The following ANKS1B variants were observed in gnomAD, a reference collection of about 807,000 sequenced individuals.
ANKS1B encodes ankyrin repeat and sterile alpha motif domain containing 1B.
ANKS1B carries 36 observed loss-of-function variants against 148.3 expected under a neutral mutation model. The observed-to-expected ratio is 0.24, with a 90% CI of 0.19 to 0.32. The LOEUF (loss-of-function observed/expected upper bound fraction) is 0.32, where lower values mean the gene tolerates loss of function less well. Among genes scored for constraint, ANKS1B ranks in the 10% least tolerant of loss-of-function variants. The pLI is 1.00. For missense variants in ANKS1B, 1,157 were observed against 1,542.6 expected (o/e 0.75, Z 4.19); for synonymous variants, 542 against 560.8 (o/e 0.97, Z 0.47).
At chr12:98,743,472 T>C (rs1358933057), downstream of ANKS1B, among the ~76,000 whole-genome samples, 1 of 152,208 alleles carries the variant, frequency 6.6e-6, no homozygotes, top group East Asian at 1.9e-4. Flanking sequence ...AAGTTATCAA[T>C]GTATCAATTT....
chr12:98,961,898 T>C (rs1177562256), intron 17 of ANKS1B, among the ~76,000 whole-genome samples: 1 of 149,252 alleles, frequency 6.7e-6, no homozygotes, highest in East Asian at 2.0e-4. Context: ...AAATCAAAAA[T>C]CATACAACAG....
intron 17 of ANKS1B, among the ~76,000 whole-genome samples, chr12:98,912,438 C>T (rs1411310808): frequency 1.3e-5 from 2 of 152,270 alleles, no homozygotes; most frequent in East Asian, 3.9e-4. Context: ...AACTTTTTCC[C>T]CCTTAAGTCT....
chr12:99,458,638 T>C (rs2095887925), intron 10 of ANKS1B, among the ~76,000 whole-genome samples: 1 of 151,930 alleles, frequency 6.6e-6, no homozygotes, highest in Non-Finnish European at 1.5e-5. Context: ...AACACTTTTA[T>C]GTGCATAAAC....
chr12:99,816,212 G>A (rs543703528), intron 2 of ANKS1B, among the ~76,000 whole-genome samples: 2 of 151,792 alleles, frequency 1.3e-5, no homozygotes, highest in African/African-American at 2.4e-5. Context: ...GCTCATTGTG[G>A]TTTTAATTTT....
Position 99,699,061 on chromosome 12 carries a change from T to G in ANKS1B, c.1129-43851A>C, listed in dbSNP as rs376179464. Among the ~76,000 whole-genome samples, 221 of 152,318 alleles carry G rather than the reference T, an allele frequency of 1.5e-3. 1 individual carries two copies. The highest frequency in any genetic ancestry group is 5.1e-3 in the African/African-American group (211 of 41,576). Reference sequence around the variant, plus strand: ...TTTTTCAAATTTATTCATTCACTTATTTTTTCATTCATTCAGATTCATTCA... The same window carrying G: ...TTTTTCAAATTTATTCATTCACTTAGTTTTTCATTCATTCAGATTCATTCA... On this transcript the variant is annotated intron_variant, in intron 8 of 26. Coordinates refer to ENST00000683438, the MANE Select transcript of ANKS1B (RefSeq NM_001352186.2).
intron 1 of ANKS1B, among the ~76,000 whole-genome samples, chr12:99,868,914 G>C (rs145218871): frequency 0.012 from 1,836 of 152,070 alleles, 36 homozygotes; most frequent in African/African-American, 0.042. Flanking sequence ...AAAAATAGCC[G>C]GGCATGGTGG....
chr12:99,534,466 G>A (rs1250017911), intron 9 of ANKS1B, among the ~76,000 whole-genome samples: 2 of 152,308 alleles, frequency 1.3e-5, no homozygotes, highest in African/African-American at 4.8e-5. Flanking sequence ...TGAGAGAAAA[G>A]CATTGTGTTC....
At chr12:99,083,321 C>T (rs867953144) in intron 16 of ANKS1B, among the ~76,000 whole-genome samples, 1 of 152,264 alleles carries the variant, frequency 6.6e-6, no homozygotes, top group Non-Finnish European at 1.5e-5. Flanking sequence ...GTATCTATTA[C>T]AGTTCATCTG....
chr12:99,074,600 GT>G (rs2047260544), intron 16 of ANKS1B, among the ~76,000 whole-genome samples: 1 of 152,150 alleles, frequency 6.6e-6, no homozygotes, highest in African/African-American at 2.4e-5. Context: ...ATGTGACCCC[GT>G]AGAACAGACT....
At chr12:99,599,903 G>C (rs926830399) in intron 9 of ANKS1B, among the ~76,000 whole-genome samples, 1 of 150,870 alleles carries the variant, frequency 6.6e-6, no homozygotes, top group African/African-American at 2.4e-5. Flanking sequence ...TAGAGATCTA[G>C]ATTTAGGAAT....
chr12:99,303,321 A>G (rs1296197578), intron 12 of ANKS1B, among the ~76,000 whole-genome samples: 4 of 152,164 alleles, frequency 2.6e-5, no homozygotes, highest in Admixed American at 6.6e-5. Context: ...TTTCTGTTTC[A>G]AGGAGAAAAA....
intron 12 of ANKS1B, among the ~76,000 whole-genome samples, chr12:99,349,720 C>T (rs1005416060): frequency 1.3e-5 from 2 of 151,872 alleles, no homozygotes; most frequent in African/African-American, 4.8e-5. Context: ...AACAGCTCTA[C>T]AGTAATCATA....
chr12:99,021,765 G>A (rs1435777812), intron 17 of ANKS1B, among the ~76,000 whole-genome samples: 1 of 152,126 alleles, frequency 6.6e-6, no homozygotes, highest in African/African-American at 2.4e-5. Context: ...AAATAAATAT[G>A]TGTCAATCAA....
chr12:99,433,571 T>C (rs1017443092), intron 11 of ANKS1B, among the ~76,000 whole-genome samples: 1 of 152,042 alleles, frequency 6.6e-6, no homozygotes, highest in Non-Finnish European at 1.5e-5. Flanking sequence ...AAGAAAGAAA[T>C]CAAGGATGGG....
At chr12:98,860,383 G>C (rs1026860558) in intron 17 of ANKS1B, among the ~76,000 whole-genome samples, 1 of 152,154 alleles carries the variant, frequency 6.6e-6, no homozygotes, top group African/African-American at 2.4e-5. Context: ...GTCTATCTCT[G>C]CTCCTTAGAG....
chr12:99,464,809 C>T (rs560706730), intron 10 of ANKS1B, among the ~76,000 whole-genome samples: 18 of 152,252 alleles, frequency 1.2e-4, no homozygotes, highest in East Asian at 7.7e-4. Context: ...ACCAAATCTA[C>T]GTCTGATTGG....
chr12:99,792,672 T>TA (rs1282894605), intron 4 of ANKS1B, among the ~76,000 whole-genome samples: 6 of 150,572 alleles, frequency 4.0e-5, no homozygotes, highest in Admixed American at 2.7e-4. Flanking sequence ...CTTCCTGTTT[T>TA]AAAAAAAAAT....
chr12:99,316,932 T>G (rs1566877112), intron 12 of ANKS1B, among the ~76,000 whole-genome samples: 1 of 152,244 alleles, frequency 6.6e-6, no homozygotes, highest in Non-Finnish European at 1.5e-5. Context: ...AGGGAATCCT[T>G]TCCCCATTTC....
chr12:98,881,443 G>A (rs1028581664), intron 17 of ANKS1B, among the ~76,000 whole-genome samples: 1 of 152,132 alleles, frequency 6.6e-6, no homozygotes, highest in African/African-American at 2.4e-5. Context: ...CTGGTATGCT[G>A]ACTTGTAATG....
Sources: gnomAD v4.1 joint callset for allele counts (sites outside exome capture counted in the v4.1 genomes callset) on GRCh38, gnomAD v4.1.1 for gene constraint, MANE v1.5 for transcripts, NCBI Gene and HGNC (gene_info 2026-07-23, HGNC 2026-07-21) for gene names.